The following KY variants were observed in gnomAD, a reference collection of about 807,000 sequenced individuals.
KY encodes the protein kyphoscoliosis peptidase.
KY carries 43 observed loss-of-function variants against 76.1 expected under a neutral mutation model. That is an observed-to-expected ratio of 0.57 (90% confidence interval 0.44 to 0.73). The LOEUF (loss-of-function observed/expected upper bound fraction) is 0.73. Among genes scored for constraint, KY ranks in the 30% least tolerant of loss-of-function variants. The pLI, the probability that KY is intolerant of heterozygous loss-of-function variation, is 0.00. For missense variants in KY, 722 were observed against 828.9 expected, an observed-to-expected ratio of 0.87 and a Z score of 1.58; for synonymous variants, 277 against 326.2, an observed-to-expected ratio of 0.85 and a Z score of 1.63.
chr3:134,617,242 C>T (rs1397442447), intron 8 of KY, among the ~76,000 whole-genome samples: 1 of 152,142 alleles, frequency 6.6e-6, no homozygotes, highest in Non-Finnish European at 1.5e-5. Flanking sequence ...TTTGTAAAAT[C>T]AGAGGAAAAT....
rs1270325879 is a variant in KY at position 134,610,718 on chromosome 3, A to G, written c.711-335T>C. On this transcript the variant is annotated intron_variant, in intron 8 of 10. Transcript: ENST00000423778. ...GCTCCTCAAGCAGCTCTTCAGGAGG[A>G]AAAAATGGGGGCAAGCGTGAGGCTG... The G allele has an allele frequency of 3.7e-5, 8 of 219,118 alleles. No homozygotes were observed. In the Admixed American group the frequency reaches 4.6e-4, roughly 13 times the overall value. The allele number at this position is 219,118 out of a possible 1,614,324, so 13.6% of individuals were successfully genotyped here.
intron 6 of KY, among the ~76,000 whole-genome samples, chr3:134,624,579 C>A (rs1247983315): frequency 2.0e-5 from 3 of 152,228 alleles, no homozygotes; most frequent in African/African-American, 7.2e-5. Flanking sequence ...GCACCTGAGA[C>A]ATGCTCAGGG....
intron 3 of KY, among the ~76,000 whole-genome samples, chr3:134,637,661 G>A (rs1241393873): frequency 2.0e-5 from 3 of 152,276 alleles, no homozygotes; most frequent in East Asian, 3.9e-4. Context: ...ACTTTCACAC[G>A]CACATCTGAC....
At chr3:134,642,517 G>A (rs1965891029) in intron 3 of KY, among the ~76,000 whole-genome samples, 1 of 126,814 alleles carries the variant, frequency 7.9e-6, no homozygotes, top group South Asian at 3.5e-4. Flanking sequence ...CTTGTCGTGT[G>A]CTCAGATCCA....
rs150015910 is a variant in KY, at chr3:134,600,209, A to G, written c.*3370T>C. On this transcript the variant is annotated 3_prime_UTR_variant, in exon 11 of 11. Transcript: ENST00000423778. Reference sequence around the variant, plus strand: ...GCAGGCAGACCAGGATATCTCAGGAATTAATTGGTTTGGAGAGGAGAAAAC... The same window carrying G: ...GCAGGCAGACCAGGATATCTCAGGAGTTAATTGGTTTGGAGAGGAGAAAAC... Among the ~76,000 whole-genome samples the G allele has an allele frequency of 1.3e-5, 2 of 152,358 alleles. No homozygotes were observed. The highest frequency in any genetic ancestry group is 2.4e-5 in the African/African-American group (1 of 41,586).
At chr3:134,640,165 C>T (rs1325288879) in intron 3 of KY, among the ~76,000 whole-genome samples, 1 of 148,804 alleles carries the variant, frequency 6.7e-6, no homozygotes, top group African/African-American at 2.5e-5. Context: ...AATGTTGAAC[C>T]ATTCCGAGCA....
intron 10 of KY, among the ~76,000 whole-genome samples, chr3:134,604,774 G>A (rs1252405950): frequency 6.6e-6 from 1 of 152,196 alleles, no homozygotes; most frequent in Non-Finnish European, 1.5e-5. Context: ...CTGTATGTGT[G>A]CATCCTGCCC....
chr3:134,648,166 T>C (rs1048969621), intron 1 of KY, among the ~76,000 whole-genome samples: 8 of 152,126 alleles, frequency 5.3e-5, no homozygotes, highest in African/African-American at 1.9e-4. Flanking sequence ...GCAATAAAAT[T>C]GAGATCCTGG....
chr3:134,617,207 G>GA (rs1317718365), intron 8 of KY, among the ~76,000 whole-genome samples: 1 of 152,094 alleles, frequency 6.6e-6, no homozygotes, highest in Non-Finnish European at 1.5e-5. Context: ...CTGGAACTTG[G>GA]AAAAAATGCT....
rs1958927959 is a variant in KY at position 134,600,738 on chromosome 3, A to C, written c.*2841T>G. 1 of 152,228 alleles carries C rather than the reference A, an allele frequency of 6.6e-6. No individual in the cohort carries two copies. The highest frequency in any genetic ancestry group is 2.1e-4 in the South Asian group (1 of 4,834). 9.4% of individuals were successfully genotyped at this position (152,228 alleles called of 1,614,324 possible). Reference sequence around the variant, plus strand: ...AGTCACAGCTGTTCCATCCAGTCCTATGTCAAGTGCTTCTGTTTCAAGAAG... The same window carrying C: ...AGTCACAGCTGTTCCATCCAGTCCTCTGTCAAGTGCTTCTGTTTCAAGAAG... On this transcript the variant is annotated 3_prime_UTR_variant, in exon 11 of 11. Coordinates refer to ENST00000423778, the MANE Select transcript of KY (RefSeq NM_178554.6).
In KY at chr3:134,614,062, T is replaced by C. The variant is rs193085828; in HGVS notation, c.711-3679A>G. ...GTGGCTGCCCTAGATGTGCTGATAG[T>C]TGGAAGGAGGGTGGATATGGGAACT... On this transcript the variant is annotated intron_variant, in intron 8 of 10. Transcript: ENST00000423778. 1.6e-3 allele frequency among the ~76,000 whole-genome samples: 237 copies of C among 152,168 alleles called. 1 individual carries two copies. Among genetic ancestry groups the C allele is most frequent in the African/African-American group, 5.1e-3 (210 of 41,502 alleles).
At chr3:134,617,404 T>C (rs1961754057) in intron 8 of KY, among the ~76,000 whole-genome samples, 1 of 152,102 alleles carries the variant, frequency 6.6e-6, no homozygotes, top group South Asian at 2.1e-4. Context: ...CTACTGGGTG[T>C]AGGATTCTGA....
intron 2 of KY, among the ~76,000 whole-genome samples, chr3:134,644,041 G>A (rs1216273572): frequency 1.3e-5 from 2 of 152,090 alleles, no homozygotes; most frequent in African/African-American, 2.4e-5. Context: ...TAGCCAGGAT[G>A]GTCTCGATCT....
chr3:134,619,043 TA>T, intron 8 of KY, 104 bp downstream of exon 8: 4 of 907,384 alleles, frequency 4.4e-6, no homozygotes, highest in Non-Finnish European at 7.2e-6. Context: ...GCAGAGTTTG[TA>T]AACTCAGGTT....
intron 10 of KY, among the ~76,000 whole-genome samples, chr3:134,605,698 G>A (rs182401338): frequency 2.0e-5 from 3 of 148,932 alleles, no homozygotes; most frequent in Admixed American, 6.7e-5. Context: ...CCCCTCTGCC[G>A]GTCAGCTCTC....
intron 3 of KY, among the ~76,000 whole-genome samples, chr3:134,636,691 C>T (rs534790424): frequency 1.4e-4 from 21 of 152,240 alleles, no homozygotes; most frequent in African/African-American, 2.9e-4. Context: ...TTGGTGAGCT[C>T]GTAAATGCTT....
Position 134,601,831 on chromosome 3 carries a change from G to A in KY, c.*1748C>T, listed in dbSNP as rs974958575. Among the ~76,000 whole-genome samples the A allele has an allele frequency of 4.6e-5, 7 of 152,250 alleles. No individual in the cohort carries two copies. The highest frequency in any genetic ancestry group is 2.0e-4 in the Admixed American group (3 of 15,294). On this transcript the variant is annotated 3_prime_UTR_variant, in exon 11 of 11. Coordinates refer to ENST00000423778, the MANE Select transcript of KY (RefSeq NM_178554.6). ...TGGGGACTTTTAGGGGAGGGATCCC[G>A]GGGGATAATGAACAGAAGTGTCTGG... is the stretch of plus-strand genomic sequence containing the variant.
In KY at chr3:134,600,776, A is replaced by C. The variant is rs1577553393; in HGVS notation, c.*2803T>G. The C allele has an allele frequency of 6.6e-6, 1 of 152,332 alleles. No individual in the cohort carries two copies. Among genetic ancestry groups the C allele is most frequent in the East Asian group, 1.9e-4 (1 of 5,196 alleles). 9.4% of individuals were successfully genotyped at this position (152,332 alleles called of 1,614,324 possible). ...CTGTTTCAAGAAGTTATTTCCAGGC[A>C]AAACAGTCCCATCACATCCCTTGTC... On this transcript the variant is annotated 3_prime_UTR_variant, in exon 11 of 11. Coordinates refer to ENST00000423778, the MANE Select transcript of KY (RefSeq NM_178554.6).
chr3:134,628,499 T>C (rs1963765616), intron 4 of KY, among the ~76,000 whole-genome samples: 1 of 152,208 alleles, frequency 6.6e-6, no homozygotes, highest in Admixed American at 6.5e-5. Flanking sequence ...AAGGCCACTT[T>C]AGGCTATAAA....
Sources: allele counts gnomAD v4.1 joint callset (sites outside exome capture counted in the v4.1 genomes callset), GRCh38; gene constraint gnomAD v4.1.1; transcripts MANE v1.5; gene names NCBI Gene and HGNC (gene_info 2026-07-23, HGNC 2026-07-21).